The following ERG variants were observed in gnomAD, a reference collection of about 807,000 sequenced individuals.
ERG encodes the protein ETS transcription factor ERG.
In ERG, 9 loss-of-function variants were observed where a neutral mutation model predicts 55.3. That is an observed-to-expected ratio of 0.16 (90% CI 0.10 to 0.28). The LOEUF (loss-of-function observed/expected upper bound fraction) is 0.28. ERG is among the 10% of genes least tolerant of loss of function. The pLI is 1.00. For missense variants in ERG, 434 were observed against 631.6 expected, an observed-to-expected ratio of 0.69 and a Z score of 3.35; for synonymous variants, 223 against 237.3, an observed-to-expected ratio of 0.94 and a Z score of 0.55.
chr21:38,368,184 G>A, the ERG span, among the ~76,000 whole-genome samples: 1 of 152,108 alleles, frequency 6.6e-6, no homozygotes, highest in African/African-American at 2.4e-5. Context: ...TCTTCCCGTT[G>A]AGAGGTAATC....
intron 2 of ERG, among the ~76,000 whole-genome samples, chr21:38,573,559 G>A (rs1465328691): frequency 6.6e-6 from 1 of 152,194 alleles, no homozygotes; most frequent in Non-Finnish European, 1.5e-5. Context: ...TGGCCTATGT[G>A]CACATCCAGG....
intron 2 of ERG, among the ~76,000 whole-genome samples, chr21:38,575,290 C>G (rs889750925): frequency 6.6e-6 from 1 of 152,178 alleles, no homozygotes; most frequent in Non-Finnish European, 1.5e-5. Flanking sequence ...TATATTAACT[C>G]AGCAAAATTT....
At chr21:38,516,454 G>T (rs1224475255) in intron 2 of ERG, among the ~76,000 whole-genome samples, 1 of 151,772 alleles carries the variant, frequency 6.6e-6, no homozygotes, top group Non-Finnish European at 1.5e-5. Context: ...ACTAATGAAA[G>T]AAATGGAAAA....
intron 2 of ERG, among the ~76,000 whole-genome samples, chr21:38,551,245 T>C (rs886189089): frequency 6.6e-6 from 1 of 152,074 alleles, no homozygotes; most frequent in Admixed American, 6.5e-5. Flanking sequence ...CTTTTTTCTT[T>C]ATCAGTCTAG....
chr21:38,614,757 C>T (rs1351857523), intron 1 of ERG, among the ~76,000 whole-genome samples: 1 of 152,180 alleles, frequency 6.6e-6, no homozygotes, highest in African/African-American at 2.4e-5. Flanking sequence ...TTTATCTGAT[C>T]GGTGAGTTGG....
Position 38,559,344 on chromosome 21 carries a change from A to C in ERG, c.-41+16318T>G, listed in dbSNP as rs141178972. ...TCCACTTGGCAGCAATGGACTTGGTAAAAAAAATAATAGATCCTTCTCCAT... is the reference window on the plus strand; with the variant it reads ...TCCACTTGGCAGCAATGGACTTGGTCAAAAAAATAATAGATCCTTCTCCAT... On this transcript the variant is annotated intron_variant, in intron 2 of 8. Transcript: ENST00000398897. Among the ~76,000 whole-genome samples, 662 of 151,588 alleles carry C rather than the reference A, an allele frequency of 4.4e-3. 6 individuals carry two copies. Among genetic ancestry groups the C allele is most frequent in the African/African-American group, 0.014 (591 of 41,276 alleles).
chr21:38,617,636 T>C (rs2060266398), intron 1 of ERG, among the ~76,000 whole-genome samples: 1 of 152,186 alleles, frequency 6.6e-6, no homozygotes, highest in Non-Finnish European at 1.5e-5. Context: ...TCATATAACA[T>C]TCACTGAACA....
At chr21:38,494,814 T>C (rs895258245) in intron 1 of ERG, among the ~76,000 whole-genome samples, 4 of 152,192 alleles carry the variant, frequency 2.6e-5, no homozygotes, top group African/African-American at 9.6e-5. Context: ...CTGGCATGCA[T>C]GGGTGCATGC....
chr21:38,622,573 C>T (rs2146944643), intron 1 of ERG, among the ~76,000 whole-genome samples: 1 of 149,010 alleles, frequency 6.7e-6, no homozygotes, highest in South Asian at 2.1e-4. Flanking sequence ...CACACATGCT[C>T]ATATGTACCA....
At chr21:38,487,842 G>A (rs963656891) in intron 1 of ERG, among the ~76,000 whole-genome samples, 22 of 152,190 alleles carry the variant, frequency 1.4e-4, no homozygotes, top group Admixed American at 5.9e-4. Context: ...AGTATGTGAA[G>A]AAATGAGTCC....
At chr21:38,534,779 T>C (rs2059697358) in intron 2 of ERG, among the ~76,000 whole-genome samples, 2 of 152,202 alleles carry the variant, frequency 1.3e-5, no homozygotes, top group Admixed American at 1.3e-4. Flanking sequence ...GCCATGTTCA[T>C]GGCAGCATTA....
At chr21:38,446,944 A>T (rs578010284) in intron 1 of ERG, among the ~76,000 whole-genome samples, 6 of 152,048 alleles carry the variant, frequency 3.9e-5, no homozygotes, top group Non-Finnish European at 7.4e-5. Context: ...CCTTTGGGAC[A>T]TGTGTTTAAA....
At chr21:38,420,155 G>A (rs1346587059) in intron 3 of ERG, among the ~76,000 whole-genome samples, 1 of 152,090 alleles carries the variant, frequency 6.6e-6, no homozygotes, top group East Asian at 1.9e-4. Context: ...CACACATGGG[G>A]TACTCCGTGC....
intron 3 of ERG, among the ~76,000 whole-genome samples, chr21:38,405,648 C>T (rs1217927153): frequency 6.6e-6 from 1 of 152,190 alleles, no homozygotes; most frequent in Non-Finnish European, 1.5e-5. Context: ...GCATCAGCAT[C>T]ACCTGGGAGC....
chr21:38,466,744 G>A (rs961165429), intron 1 of ERG, among the ~76,000 whole-genome samples: 2 of 152,158 alleles, frequency 1.3e-5, no homozygotes, highest in Non-Finnish European at 2.9e-5. Context: ...GATTCAGTTG[G>A]TTGGAACTAC....
At chr21:38,418,737 G>A (rs1989396110) in intron 3 of ERG, among the ~76,000 whole-genome samples, 1 of 151,762 alleles carries the variant, frequency 6.6e-6, no homozygotes, top group South Asian at 2.1e-4. Flanking sequence ...GACCAGCCTG[G>A]CAAACATGGC....
At chr21:38,401,232 C>T (rs1469746078) in intron 5 of ERG, among the ~76,000 whole-genome samples, 2 of 152,140 alleles carry the variant, frequency 1.3e-5, no homozygotes, top group African/African-American at 4.8e-5. Context: ...CCGTGTTTAA[C>T]AATAGCAAAA....
At chr21:38,602,492 C>G (rs905113237) in intron 1 of ERG, among the ~76,000 whole-genome samples, 5 of 151,910 alleles carry the variant, frequency 3.3e-5, no homozygotes, top group African/African-American at 1.2e-4. Context: ...AACAGTTGTA[C>G]AAACACCAGA....
chr21:38,390,922 A>T (rs1987939979), intron 9 of ERG, 73 bp downstream of exon 9: 1 of 1,202,730 alleles, frequency 8.3e-7, no homozygotes, highest in Admixed American at 1.8e-5. Context: ...TCTCACCAAT[A>T]CCAATTTACT....
Sources: gnomAD v4.1 joint callset for allele counts (sites outside exome capture counted in the v4.1 genomes callset) on GRCh38, gnomAD v4.1.1 for gene constraint, MANE v1.5 for transcripts, NCBI Gene and HGNC (gene_info 2026-07-23, HGNC 2026-07-21) for gene names.